PDE8B: variants seen among roughly 807,000 people sequenced by gnomAD.
PDE8B encodes phosphodiesterase 8B, also known as high affinity cAMP-specific and IBMX-insensitive 3',5'-cyclic phosphodiesterase 8B.
Under a neutral mutation model 101.3 loss-of-function variants are expected in PDE8B, and 26 were observed. That is an observed-to-expected ratio of 0.26 (90% confidence interval 0.19 to 0.36). PDE8B has a LOEUF of 0.36. PDE8B is among the 10% of genes least tolerant of loss of function. The probability of loss-of-function intolerance (pLI) is 1.00; values close to 1 mark genes in which losing one functional copy is unlikely to be tolerated. For synonymous variants in PDE8B, 424 were observed against 429.3 expected, an observed-to-expected ratio of 0.99 and a Z score of 0.15; for missense variants, 810 against 1,163.1, an observed-to-expected ratio of 0.70 and a Z score of 4.42.
chr5:77,291,851 T>A, intron 1 of PDE8B: 1 of 1,487,272 alleles, frequency 6.7e-7, no homozygotes, highest in Non-Finnish European at 9.4e-7. Flanking sequence ...CGGCAGCTGT[T>A]TTTGAAGAAG....
rs900830973 is a variant in PDE8B, at chr5:77,211,251, A to G, written c.326A>G (p.Tyr109Cys). The G allele has an allele frequency of 3.2e-6, 5 of 1,573,920 alleles. No individual in the cohort carries two copies. In the African/African-American group the frequency reaches 4.1e-5, roughly 13 times the overall value. The stretch of plus-strand genomic sequence containing the variant: ...GCCGAGGCCGAGACTCAGACCTGCT[A>G]CACCAGCGTGAAGGTAAATGCCCCG... The part of the protein sequence containing the change: ...SSAEAETQTC[Y>C]TSVKQVSSAE... Residue 109 changes from tyrosine (Y) to cysteine (C), a missense_variant, in exon 1 of 22, where the codon TAC becomes TGC. Physicochemically the swap from Tyr to Cys is radical, Grantham distance 194. Coordinates refer to ENST00000264917, the MANE Select transcript of PDE8B (RefSeq NM_003719.5). This position sits in a 1 kb window ranked among gnomAD's most constrained non-coding sequence, Gnocchi z 4.1.
intron 1 of PDE8B, among the ~76,000 whole-genome samples, chr5:77,248,440 G>GTTT (rs56054494): frequency 0.38 from 57,583 of 151,430 alleles, 11,537 homozygotes; most frequent in East Asian, 0.75. Context: ...AATTAAATTA[G>GTTT]TTTTTGTTGT....
intron 1 of PDE8B, among the ~76,000 whole-genome samples, chr5:77,301,412 C>T (rs567067180): frequency 6.6e-6 from 1 of 152,318 alleles, no homozygotes; most frequent in African/African-American, 2.4e-5. Flanking sequence ...ATTTGAATAT[C>T]ATCCCTCCCC....
At chr5:77,235,668 C>A (rs993796636) in intron 1 of PDE8B, among the ~76,000 whole-genome samples, 3 of 152,058 alleles carry the variant, frequency 2.0e-5, no homozygotes, top group Admixed American at 1.3e-4. Flanking sequence ...ATTCTGTGTT[C>A]ATCTTTTTGT....
At chr5:77,264,107 G>T (rs1275811781) in intron 1 of PDE8B, among the ~76,000 whole-genome samples, 1 of 152,164 alleles carries the variant, frequency 6.6e-6, no homozygotes, top group Non-Finnish European at 1.5e-5. Flanking sequence ...GTTGTAGCAG[G>T]TATCAGTAAT....
chr5:77,197,108 A>AT, the PDE8B span, among the ~76,000 whole-genome samples: 1 of 131,202 alleles, frequency 7.6e-6, no homozygotes, highest in South Asian at 2.4e-4. Flanking sequence ...TTTAAAAAAA[A>AT]CTTTTTTTTT....
the PDE8B span, among the ~76,000 whole-genome samples, chr5:77,115,826 T>C: frequency 6.5e-4 from 99 of 152,344 alleles, no homozygotes; most frequent in African/African-American, 2.3e-3. Flanking sequence ...TATTGTGTCC[T>C]GTTCTCTTAG....
At chr5:77,306,543 G>A (rs528884903) in intron 1 of PDE8B, among the ~76,000 whole-genome samples, 125 of 152,304 alleles carry the variant, frequency 8.2e-4, no homozygotes, top group African/African-American at 2.8e-3. Flanking sequence ...GGGCAAGGGC[G>A]TTGGAGCAGG....
At chr5:77,253,241 G>T (rs78740285) in intron 1 of PDE8B, among the ~76,000 whole-genome samples, 3,452 of 152,256 alleles carry the variant, frequency 0.023, 116 homozygotes, top group African/African-American at 0.078. Flanking sequence ...TTGTAAATGA[G>T]TATAAATTTT....
At chr5:77,193,138 A>G in the PDE8B span, among the ~76,000 whole-genome samples, 1 of 152,120 alleles carries the variant, frequency 6.6e-6, no homozygotes, top group Non-Finnish European at 1.5e-5. Context: ...TATTTTCTTG[A>G]AGATATCTTT....
intron 1 of PDE8B, among the ~76,000 whole-genome samples, chr5:77,300,077 C>A (rs1298210156): frequency 6.6e-6 from 1 of 152,168 alleles, no homozygotes; most frequent in East Asian, 1.9e-4. Context: ...CATAGAGTAC[C>A]CAGTGTTCTG....
At chr5:77,308,755 G>A (rs1048205038) in intron 1 of PDE8B, among the ~76,000 whole-genome samples, 2 of 152,184 alleles carry the variant, frequency 1.3e-5, no homozygotes, top group Non-Finnish European at 1.5e-5. Context: ...CTGGGTCAGA[G>A]GGACTTAAGG....
chr5:77,313,191 A>G (rs1189168271), intron 2 of PDE8B, among the ~76,000 whole-genome samples: 1 of 152,338 alleles, frequency 6.6e-6, no homozygotes, highest in East Asian at 1.9e-4. Flanking sequence ...TATAGATGAA[A>G]GTGAAAAACC....
chr5:77,398,431 C>T (rs1791541692), intron 10 of PDE8B, among the ~76,000 whole-genome samples: 2 of 150,698 alleles, frequency 1.3e-5, no homozygotes, highest in Admixed American at 6.7e-5. Flanking sequence ...AAGCAATTCT[C>T]CTGCCTCAGC....
intron 1 of PDE8B, among the ~76,000 whole-genome samples, chr5:77,258,289 C>CA (rs70988662): frequency 0.12 from 10,965 of 88,180 alleles, 809 homozygotes; most frequent in East Asian, 0.46. Context: ...GACTCCATCT[C>CA]AAAAAAAAAA....
At chr5:77,403,033 G>A (rs1247060902) in intron 11 of PDE8B, among the ~76,000 whole-genome samples, 1 of 152,182 alleles carries the variant, frequency 6.6e-6, no homozygotes, top group Non-Finnish European at 1.5e-5. Context: ...TCTTAGCCTA[G>A]TGAGGAGTAA....
At chr5:77,213,391 T>G (rs1371927369) in intron 1 of PDE8B, among the ~76,000 whole-genome samples, 1 of 152,254 alleles carries the variant, frequency 6.6e-6, no homozygotes, top group East Asian at 1.9e-4. Flanking sequence ...GAGTTATTTA[T>G]GCAAATCTTA....
intron 1 of PDE8B, among the ~76,000 whole-genome samples, chr5:77,234,219 C>T (rs1754218316): frequency 6.6e-6 from 1 of 152,140 alleles, no homozygotes; most frequent in African/African-American, 2.4e-5. Flanking sequence ...ATGTGGTACA[C>T]GTACCCAGCA....
chr5:77,270,377 A>G (rs1416023235), intron 1 of PDE8B, among the ~76,000 whole-genome samples: 2 of 152,212 alleles, frequency 1.3e-5, no homozygotes, highest in Non-Finnish European at 2.9e-5. Context: ...AGGTTTTTCC[A>G]AGTATAAGAC....
Sources: allele counts gnomAD v4.1 joint callset (sites outside exome capture counted in the v4.1 genomes callset), GRCh38; gene constraint gnomAD v4.1.1; non-coding constraint Gnocchi (gnomAD v3.1); transcripts MANE v1.5; gene names NCBI Gene and HGNC (gene_info 2026-07-23, HGNC 2026-07-21).